Variants in SYNPR observed in about 807,000 individuals in gnomAD.
SYNPR encodes synaptoporin.
SYNPR carries 23 observed loss-of-function variants against 32.9 expected under a neutral mutation model. The ratio of observed to expected loss-of-function variants is 0.70; its 90% CI spans 0.50 to 0.99. The LOEUF is 0.99. SYNPR is among the 50% of genes least tolerant of loss of function. The pLI is 0.00. For synonymous variants in SYNPR, 146 were observed against 135.9 expected (o/e 1.07, Z -0.52); for missense variants, 318 against 349.3 (o/e 0.91, Z 0.71).
intron 3 of SYNPR, among the ~76,000 whole-genome samples, chr3:63,549,565 G>A (rs750685042): frequency 2.0e-5 from 3 of 152,084 alleles, no homozygotes; most frequent in African/African-American, 7.2e-5. Flanking sequence ...GAGTTGTTAT[G>A]AGCATTAAAT....
chr3:63,431,270 T>C (rs1209699417), intron 2 of SYNPR, among the ~76,000 whole-genome samples: 1 of 152,160 alleles, frequency 6.6e-6, no homozygotes, highest in Non-Finnish European at 1.5e-5. Flanking sequence ...ATCAATAACA[T>C]TGAATGACCT....
At chr3:63,258,659 G>T (rs538053912) in intron 2 of SYNPR, among the ~76,000 whole-genome samples, 20 of 152,058 alleles carry the variant, frequency 1.3e-4, no homozygotes, top group African/African-American at 4.8e-4. Flanking sequence ...ACAATTAAAA[G>T]AACTAGAAAA....
chr3:63,258,167 CAG>C (rs2086404476), intron 2 of SYNPR, among the ~76,000 whole-genome samples: 1 of 152,264 alleles, frequency 6.6e-6, no homozygotes, highest in South Asian at 2.1e-4. Flanking sequence ...ATCAACAAGA[CAG>C]AAAGTTAACA....
At chr3:63,392,420 T>G (rs1447305772) in intron 2 of SYNPR, among the ~76,000 whole-genome samples, 1 of 152,228 alleles carries the variant, frequency 6.6e-6, no homozygotes, top group South Asian at 2.1e-4. Context: ...AGGCTACTCA[T>G]AATCCTTGAC....
At chr3:63,247,594 G>A (rs1168834677) in intron 1 of SYNPR, among the ~76,000 whole-genome samples, 1 of 152,058 alleles carries the variant, frequency 6.6e-6, no homozygotes, top group Non-Finnish European at 1.5e-5. Context: ...TGAGAGTGTT[G>A]CTTTCCCCAA....
chr3:63,448,465 T>A (rs1157245824), intron 2 of SYNPR, among the ~76,000 whole-genome samples: 6 of 152,218 alleles, frequency 3.9e-5, no homozygotes, highest in Admixed American at 3.3e-4. Flanking sequence ...ACTTCTTAAG[T>A]CACCATATTG....
chr3:63,201,346 G>A, the SYNPR span, among the ~76,000 whole-genome samples: 1 of 152,118 alleles, frequency 6.6e-6, no homozygotes, highest in Non-Finnish European at 1.5e-5. Flanking sequence ...ATCTGTACTG[G>A]TGCCATCTTT....
chr3:63,453,129 T>C (rs1700410108), intron 2 of SYNPR, among the ~76,000 whole-genome samples: 1 of 152,196 alleles, frequency 6.6e-6, no homozygotes, highest in Non-Finnish European at 1.5e-5. Context: ...CCAGATGATT[T>C]GCATACACAC....
intron 3 of SYNPR, among the ~76,000 whole-genome samples, chr3:63,515,668 T>A (rs2106762174): frequency 6.6e-6 from 1 of 152,270 alleles, no homozygotes; most frequent in South Asian, 2.1e-4. Context: ...GTAAATGATC[T>A]GGATCTTTTT....
chr3:63,334,803 A>C (rs1354417279), intron 2 of SYNPR, among the ~76,000 whole-genome samples: 1 of 150,420 alleles, frequency 6.6e-6, no homozygotes, highest in Non-Finnish European at 1.5e-5. Flanking sequence ...GGTTGATGCA[A>C]AGGTAATTGC....
chr3:63,472,234 C>T (rs1700815496), intron 2 of SYNPR, among the ~76,000 whole-genome samples: 1 of 152,076 alleles, frequency 6.6e-6, no homozygotes, highest in South Asian at 2.1e-4. Flanking sequence ...AGAGAGAGAC[C>T]CTTTTCACAC....
At chr3:63,359,375 A>C (rs2087627850) in intron 2 of SYNPR, among the ~76,000 whole-genome samples, 1 of 152,214 alleles carries the variant, frequency 6.6e-6, no homozygotes, top group African/African-American at 2.4e-5. Flanking sequence ...ACCCAACCAC[A>C]CTACCGTTAG....
intron 2 of SYNPR, among the ~76,000 whole-genome samples, chr3:63,469,215 G>A (rs796616772): frequency 3.6e-4 from 55 of 152,234 alleles, no homozygotes; most frequent in African/African-American, 1.3e-3. Context: ...AGGAAGTTGA[G>A]GGTTGTGACT....
chr3:63,608,065 T>C (rs941175147), intron 4 of SYNPR, among the ~76,000 whole-genome samples: 1 of 152,206 alleles, frequency 6.6e-6, no homozygotes, highest in Non-Finnish European at 1.5e-5. Context: ...GTAAGCAGCA[T>C]GTAACATTTT....
chr3:63,391,556 CAA>C (rs1214843507), intron 2 of SYNPR, among the ~76,000 whole-genome samples: 4 of 152,118 alleles, frequency 2.6e-5, no homozygotes, highest in Non-Finnish European at 5.9e-5. Flanking sequence ...GCCACACACA[CAA>C]AATATATACA....
intron 4 of SYNPR, among the ~76,000 whole-genome samples, chr3:63,595,900 TA>T (rs1179393548): frequency 1.9e-4 from 18 of 93,718 alleles, no homozygotes; most frequent in South Asian, 1.5e-3. Context: ...GTTTTATATA[TA>T]TAGTTATATA....
chr3:63,562,510 G>A (rs1384780062), intron 4 of SYNPR, among the ~76,000 whole-genome samples: 2 of 152,170 alleles, frequency 1.3e-5, no homozygotes, highest in African/African-American at 4.8e-5. Context: ...TTGACCCAAG[G>A]CAGTTTATGG....
At chr3:63,372,730 A>G (rs2087834614) in intron 2 of SYNPR, among the ~76,000 whole-genome samples, 1 of 152,192 alleles carries the variant, frequency 6.6e-6, no homozygotes, top group Non-Finnish European at 1.5e-5. Context: ...GCTGCCTCCA[A>G]GCTGGGGTGA....
intron 2 of SYNPR, among the ~76,000 whole-genome samples, chr3:63,296,715 C>A (rs768027365): frequency 2.6e-4 from 40 of 152,118 alleles, no homozygotes; most frequent in Middle Eastern, 3.2e-3. Context: ...CTGAGAAGAA[C>A]TGAGTTTCTC....
Sources: allele counts gnomAD v4.1 joint callset (sites outside exome capture counted in the v4.1 genomes callset), GRCh38; gene constraint gnomAD v4.1.1; transcripts MANE v1.5; gene names NCBI Gene and HGNC (gene_info 2026-07-23, HGNC 2026-07-21).